The following TM9SF3 variants were observed in gnomAD, a reference collection of about 807,000 sequenced individuals.
TM9SF3 encodes transmembrane 9 superfamily member 3, also known as SM-11044-binding protein.
Under a neutral mutation model 78.6 loss-of-function variants are expected in TM9SF3, and 14 were observed. That is an observed-to-expected ratio of 0.18 (90% confidence interval 0.12 to 0.28). The LOEUF is 0.28. Ranked by LOEUF, TM9SF3 falls within the 10% of genes least tolerant of loss-of-function variation. TM9SF3 has a pLI of 1.00. For synonymous variants in TM9SF3, 231 were observed against 241.7 expected, an observed-to-expected ratio of 0.96 and a Z score of 0.41; for missense variants, 496 against 721.9, an observed-to-expected ratio of 0.69 and a Z score of 3.59.
At chr10:96,530,726 AC>A in intron 10 of TM9SF3, 118 bp from the exon 11 acceptor site, 2 of 931,046 alleles carry the variant, frequency 2.1e-6, no homozygotes, top group South Asian at 4.0e-5. Context: ...ATAGAAACAA[AC>A]CAGTAAAATG....
At chr10:96,534,731 T>C (rs1031038006) in intron 9 of TM9SF3, among the ~76,000 whole-genome samples, 2 of 152,208 alleles carry the variant, frequency 1.3e-5, no homozygotes, top group Non-Finnish European at 2.9e-5. Flanking sequence ...TTGAGTATCC[T>C]TTTGAAAATA....
chr10:96,567,844 T>C (rs778209372), intron 2 of TM9SF3, among the ~76,000 whole-genome samples: 6 of 152,240 alleles, frequency 3.9e-5, no homozygotes, highest in Non-Finnish European at 7.3e-5. Flanking sequence ...CATAATTTTC[T>C]TATTTGGCAA....
Position 96,534,355 on chromosome 10 carries a change from A to T in TM9SF3, c.1186-1165T>A, listed in dbSNP as rs376826660. Among the ~76,000 whole-genome samples, 32 of 152,340 alleles carry T rather than the reference A, an allele frequency of 2.1e-4. No individual in the cohort carries two copies. In the East Asian group the frequency reaches 5.6e-3, roughly 27 times the overall value. On this transcript the variant is annotated intron_variant, in intron 9 of 14. Transcript: ENST00000371142. ...CAGTTTAGGCCTAGGCCTATGAATA[A>T]TATGAATTTATGCTCATATTAAAAT...
rs763564023 is a variant in TM9SF3, at chr10:96,553,080, A to G, written c.661-21T>C. The stretch of plus-strand genomic sequence containing the variant: ...TGAATCTAAAATAACAGAAAATAAA[A>G]TGTTACCAACCTGCAATATCAGCCA... On this transcript the variant is annotated intron_variant, in intron 5 of 14. Coordinates refer to ENST00000371142, the MANE Select transcript of TM9SF3 (RefSeq NM_020123.4). The G allele has an allele frequency of 6.3e-6, 10 of 1,577,952 alleles. No individual in the cohort carries two copies. In the South Asian group the frequency reaches 1.2e-4, roughly 18 times the overall value.
chr10:96,558,308 A>G (rs1020004761), intron 5 of TM9SF3, among the ~76,000 whole-genome samples: 2 of 151,976 alleles, frequency 1.3e-5, no homozygotes, highest in African/African-American at 4.8e-5. Flanking sequence ...AGGTAGGGGA[A>G]AAATTTTAGC....
At position 96,547,979 on chromosome 10, in the gene TM9SF3, T is replaced by C. The variant is rs761703623; in HGVS notation, c.970A>G (p.Met324Val). Residue 324 changes from methionine (M) to valine (V), a missense_variant, in exon 8 of 15, where the codon ATG (methionine) becomes GTG (valine). Around this residue, in one of 4 missense-constraint regions of TM9SF3, gnomAD observed 280 missense variants for 422.6 expected, o/e 0.66. Transcript: ENST00000371142. ...TAGACAAATATGGCTGTACTGAGCA[T>C]TGATCCCCTCCTAAAAAGGCAAAAA... The part of the protein sequence containing the change: ...IEDLYTERGS[M>V]LSTAIFVYAA... 2.5e-6 allele frequency: 4 copies of C among 1,592,488 alleles called. No homozygotes were observed. In the South Asian group the frequency reaches 4.7e-5, roughly 19 times the overall value.
chr10:96,542,494 C>A (rs1228517331), intron 9 of TM9SF3, among the ~76,000 whole-genome samples: 2 of 152,020 alleles, frequency 1.3e-5, no homozygotes, highest in Non-Finnish European at 1.5e-5. Flanking sequence ...TTTAAAACTC[C>A]ATTTACAAAT....
At chr10:96,534,181 T>C (rs1186829872) in intron 9 of TM9SF3, among the ~76,000 whole-genome samples, 1 of 152,168 alleles carries the variant, frequency 6.6e-6, no homozygotes, top group Non-Finnish European at 1.5e-5. Flanking sequence ...AATTCTTCAT[T>C]AGATCCTTTT....
rs1478477692 is a variant in TM9SF3 at position 96,560,327 on chromosome 10, G to C, written c.583-591C>G. Reference sequence around the variant, plus strand: ...CACCAATTATCTTTAAGAACGGTCAGTTTAGGGGCTGGTGCAAAGGATGAA... The same window carrying C: ...CACCAATTATCTTTAAGAACGGTCACTTTAGGGGCTGGTGCAAAGGATGAA... On this transcript the variant is annotated intron_variant, in intron 4 of 14. Coordinates refer to ENST00000371142, the MANE Select transcript of TM9SF3 (RefSeq NM_020123.4). 6 of 743,820 alleles carry C rather than the reference G, an allele frequency of 8.1e-6. No homozygotes were observed. In the Admixed American group the frequency reaches 1.0e-4, roughly 13 times the overall value. The allele number at this position is 743,820 out of a possible 1,614,324, so 46.1% of individuals were successfully genotyped here.
chr10:96,566,564 C>CA (rs1466474124), intron 2 of TM9SF3, among the ~76,000 whole-genome samples: 5 of 152,172 alleles, frequency 3.3e-5, no homozygotes, highest in Admixed American at 6.5e-5. Flanking sequence ...AGGGAAATAC[C>CA]TTCTTACCCT....
Position 96,520,842 on chromosome 10 carries a change from A to C in TM9SF3, c.*1421T>G. On this transcript the variant is annotated 3_prime_UTR_variant, in exon 15 of 15. Coordinates refer to ENST00000371142, the MANE Select transcript of TM9SF3 (RefSeq NM_020123.4). The stretch of plus-strand genomic sequence containing the variant: ...TGTGCTGGATAATCTAGATGTAAGC[A>C]AGTCTGGAGATTTTAAAATACGGGT... 1 of 396,716 alleles carries C rather than the reference A, an allele frequency of 2.5e-6. No homozygotes were observed. The highest frequency in any genetic ancestry group is 4.5e-6 in the Non-Finnish European group (1 of 224,508). 24.6% of individuals were successfully genotyped at this position (396,716 alleles called of 1,614,324 possible). A position where few individuals can be genotyped will look rare whatever the true frequency, so the allele number is the denominator to read the frequency against.
chr10:96,536,537 T>C (rs1564929741), intron 9 of TM9SF3, among the ~76,000 whole-genome samples: 1 of 152,088 alleles, frequency 6.6e-6, no homozygotes, highest in Non-Finnish European at 1.5e-5. Context: ...TTTGGCAGGG[T>C]TGTAGGATAC....
Position 96,551,286 on chromosome 10 carries a change from G to C in TM9SF3, c.918C>G (p.Leu306=). ...GSGCQIFAVS[L]IVIIVAMIED... is the part of the protein sequence containing the mutation. ...CTATCATTGCAACAATAATAACGAT[G>C]AGAGACACAGCAAATATCTGACATC... is the stretch of plus-strand genomic sequence containing the variant. The change falls in exon 7 of 15, where the codon CTC becomes CTG. Residue 306 remains leucine (L), a synonymous_variant. Coordinates refer to ENST00000371142, the MANE Select transcript of TM9SF3 (RefSeq NM_020123.4). 1 of 1,612,568 alleles carries C rather than the reference G, an allele frequency of 6.2e-7. No homozygotes were observed. Among genetic ancestry groups the C allele is most frequent in the African/African-American group, 1.3e-5 (1 of 74,980 alleles).
In TM9SF3 at chr10:96,548,552, C is replaced by CT. The variant is rs1473420573; in HGVS notation, c.960-564dup. On this transcript the variant is annotated intron_variant, in intron 7 of 14. Transcript: ENST00000371142. ...GTGGCTCACACCTGTAATCCGAGCA[C>CT]TTTGGAAAGCCAAGGTGGGCAGATC... 3.3e-5 allele frequency among the ~76,000 whole-genome samples: 5 copies of CT among 152,110 alleles called. No homozygotes were observed. In the East Asian group the frequency reaches 9.6e-4, roughly 29 times the overall value.
chr10:96,570,976 T>C (rs1279026030), intron 2 of TM9SF3, among the ~76,000 whole-genome samples: 3 of 152,062 alleles, frequency 2.0e-5, no homozygotes, highest in African/African-American at 7.2e-5. Flanking sequence ...TGACCTCAAG[T>C]GATCCACCCG....
At chr10:96,562,642 G>C (rs1157012497) in intron 3 of TM9SF3, among the ~76,000 whole-genome samples, 1 of 152,120 alleles carries the variant, frequency 6.6e-6, no homozygotes, top group Non-Finnish European at 1.5e-5. Context: ...AACTTAACAT[G>C]TCTCCTTTTT....
chr10:96,541,464 C>A (rs1848030963), intron 9 of TM9SF3, among the ~76,000 whole-genome samples: 1 of 152,122 alleles, frequency 6.6e-6, no homozygotes, highest in Non-Finnish European at 1.5e-5. Context: ...CAACCTCCGC[C>A]TCCTGGGTTC....
chr10:96,530,516 CAT>C, intron 11 of TM9SF3, 22 bp downstream of exon 11: 2 of 1,587,078 alleles, frequency 1.3e-6, no homozygotes, highest in Non-Finnish European at 1.7e-6. Context: ...TCCCTCAAAA[CAT>C]AAATACATTA....
chr10:96,574,929 G>T (rs181257646), intron 2 of TM9SF3, among the ~76,000 whole-genome samples: 1 of 152,064 alleles, frequency 6.6e-6, no homozygotes, highest in Non-Finnish European at 1.5e-5. Flanking sequence ...GTCAGGGGGT[G>T]GGGGGCTAGG....
Sources: gnomAD v4.1 joint callset for allele counts (sites outside exome capture counted in the v4.1 genomes callset) on GRCh38, gnomAD v4.1.1 for gene constraint, gnomAD v4.1.1 regional missense constraint, MANE v1.5 for transcripts, NCBI Gene and HGNC (gene_info 2026-07-23, HGNC 2026-07-21) for gene names.